NHS: variants seen among roughly 807,000 people sequenced by gnomAD.
The protein encoded by NHS is actin remodeling regulator NHS.
A neutral mutation model predicts 72.5 loss-of-function variants in NHS; 5 were observed. That is an observed-to-expected ratio of 0.07 (90% CI 0.04 to 0.14). The LOEUF (loss-of-function observed/expected upper bound fraction) is 0.14, where lower values mean the gene tolerates loss of function less well. NHS is among the 10% of genes least tolerant of loss of function. The probability of loss-of-function intolerance (pLI) is 1.00; values close to 1 mark genes in which losing one functional copy is unlikely to be tolerated. For synonymous variants in NHS, 464 were observed against 547.7 expected (o/e 0.85, Z 2.13); for missense variants, 1,072 against 1,355.7 (o/e 0.79, Z 3.29).
intron 3 of NHS, among the ~76,000 whole-genome samples, chrX:17,702,297 T>G (rs1440227472): frequency 8.9e-6 from 1 of 111,894 alleles, no homozygotes; most frequent in Non-Finnish European, 1.9e-5. Flanking sequence ...TAGCTAACCT[T>G]TAATAACTTT....
chrX:17,639,818 T>C (rs917738025), intron 1 of NHS, among the ~76,000 whole-genome samples: 1 of 111,720 alleles, frequency 9.0e-6, no homozygotes, highest in Non-Finnish European at 1.9e-5. Flanking sequence ...TACTGACCCA[T>C]GAACATCAGA....
At chrX:17,553,091 C>G (rs903820649) in intron 1 of NHS, among the ~76,000 whole-genome samples, 1 of 112,994 alleles carries the variant, frequency 8.9e-6, no homozygotes. Flanking sequence ...CCCTATCACT[C>G]TTATCTGTGG....
At chrX:17,462,447 G>A (rs183453989) in intron 1 of NHS, among the ~76,000 whole-genome samples, 14 of 111,571 alleles carry the variant, frequency 1.3e-4, no homozygotes, top group African/African-American at 4.6e-4. Context: ...CCCATTATGA[G>A]CTTATTGAAA....
chrX:17,609,141 G>C (rs910225553), intron 1 of NHS, among the ~76,000 whole-genome samples: 1 of 111,838 alleles, frequency 8.9e-6, no homozygotes, highest in Admixed American at 9.5e-5. Flanking sequence ...GGAAGGGACT[G>C]AGCCACCCCA....
chrX:17,682,463 G>T (rs1461818238), intron 1 of NHS, among the ~76,000 whole-genome samples: 1 of 111,950 alleles, frequency 8.9e-6, no homozygotes, highest in Non-Finnish European at 1.9e-5. Context: ...GTTGGGGGTG[G>T]CTGTGGTGGT....
chrX:17,523,092 G>A lies in NHS; in HGVS notation c.565+146770G>A, dbSNP rs147476734. ...GACTGTCTTTTGAGGAGTTGTCCAT[G>A]GTCAGCAAGGCAGTTCTGTCGCTAA... On this transcript the variant is annotated intron_variant, in intron 1 of 8. Transcript: ENST00000676302. 8.1e-4 allele frequency among the ~76,000 whole-genome samples: 91 copies of A among 112,486 alleles called. 1 individual carries two copies. Among genetic ancestry groups the A allele is most frequent in the African/African-American group, 2.8e-3 (87 of 31,001 alleles).
intron 1 of NHS, among the ~76,000 whole-genome samples, chrX:17,396,779 C>T (rs1601687667): frequency 9.0e-6 from 1 of 111,568 alleles, no homozygotes; most frequent in South Asian, 3.8e-4. Flanking sequence ...TCCACTGAGA[C>T]ACATAGTTTA....
chrX:17,557,151 G>T (rs2065381406), intron 1 of NHS: 1 of 97,859 alleles, frequency 1.0e-5, no homozygotes, highest in Non-Finnish European at 2.0e-5. Flanking sequence ...GTGTGTGTGT[G>T]TATTCAAGCT....
chrX:17,499,557 C>T (rs781560141), intron 1 of NHS, among the ~76,000 whole-genome samples: 2 of 109,913 alleles, frequency 1.8e-5, no homozygotes, highest in South Asian at 8.2e-4. Flanking sequence ...AGACAGCACC[C>T]GACACAGGGA....
intron 1 of NHS, among the ~76,000 whole-genome samples, chrX:17,636,050 G>T (rs1234165361): frequency 8.9e-6 from 1 of 112,311 alleles, no homozygotes; most frequent in Admixed American, 9.4e-5. Context: ...GCCCCATCCT[G>T]CATGGGCTTG....
At chrX:17,537,753 C>G (rs2065235205) in intron 1 of NHS, among the ~76,000 whole-genome samples, 1 of 111,760 alleles carries the variant, frequency 8.9e-6, no homozygotes, top group Admixed American at 9.5e-5. Context: ...CTGTCCTGCT[C>G]AGCTTCCTGA....
chrX:17,415,936 A>C lies in NHS; in HGVS notation c.565+39614A>C, dbSNP rs148496989. Among the ~76,000 whole-genome samples, 142 of 111,973 alleles carry C rather than the reference A, an allele frequency of 1.3e-3. No homozygotes were observed. In the East Asian group the frequency reaches 0.035, roughly 28 times the overall value. ...GGAGATTTTCAGGCACACAAGCTGC[A>C]ATAGAAAGGCGGCTGGTATTTGCCT... On this transcript the variant is annotated intron_variant, in intron 1 of 8. Transcript: ENST00000676302.
intron 1 of NHS, among the ~76,000 whole-genome samples, chrX:17,662,380 G>A (rs946186300): frequency 3.6e-5 from 4 of 111,778 alleles, no homozygotes; most frequent in African/African-American, 1.3e-4. Context: ...TGTATTTTGT[G>A]TTTTTTTAGG....
chrX:17,521,698 C>T (rs1026190683), intron 1 of NHS, among the ~76,000 whole-genome samples: 1 of 112,105 alleles, frequency 8.9e-6, no homozygotes, highest in African/African-American at 3.3e-5. Context: ...ATATCTATTA[C>T]ATCTAATGCA....
chrX:17,637,448 CT>C (rs1457938212), intron 1 of NHS, among the ~76,000 whole-genome samples: 1 of 111,247 alleles, frequency 9.0e-6, no homozygotes, highest in South Asian at 3.8e-4. Context: ...TTTTTTGAAG[CT>C]GCTGGCGTGT....
intron 1 of NHS, among the ~76,000 whole-genome samples, chrX:17,402,183 A>G (rs2064506033): frequency 8.9e-6 from 1 of 111,975 alleles, no homozygotes; most frequent in Non-Finnish European, 1.9e-5. Context: ...AAGGCAGACA[A>G]TAGTAAGTGT....
At chrX:17,645,064 TAATAAAG>T (rs1326091367) in intron 1 of NHS, among the ~76,000 whole-genome samples, 2 of 112,109 alleles carry the variant, frequency 1.8e-5, no homozygotes, top group South Asian at 3.8e-4. Flanking sequence ...ATATCAGACA[TAATAAAG>T]AATCAGTGTC....
At chrX:17,566,476 GTC>G (rs2065444197) in intron 1 of NHS, among the ~76,000 whole-genome samples, 1 of 111,805 alleles carries the variant, frequency 8.9e-6, no homozygotes, top group East Asian at 2.8e-4. Flanking sequence ...GAGAAATTCT[GTC>G]TGTCTCTTTG....
chrX:17,471,318 A>C (rs2064891583), intron 1 of NHS, among the ~76,000 whole-genome samples: 1 of 112,362 alleles, frequency 8.9e-6, no homozygotes, highest in South Asian at 3.7e-4. Context: ...ATAGCCAACC[A>C]CAGCTATGAT....
Sources: allele counts gnomAD v4.1 joint callset (sites outside exome capture counted in the v4.1 genomes callset), GRCh38; gene constraint gnomAD v4.1.1; transcripts MANE v1.5; gene names NCBI Gene and HGNC (gene_info 2026-07-23, HGNC 2026-07-21).